PLD5: variants seen among roughly 807,000 people sequenced by gnomAD.
PLD5 encodes inactive phospholipase D5.
A neutral mutation model predicts 61.1 loss-of-function variants in PLD5; 36 were observed. That is an observed-to-expected ratio of 0.59 (90% CI 0.45 to 0.78). The LOEUF is 0.78. Among genes scored for constraint, PLD5 ranks in the 30% least tolerant of loss-of-function variants. The pLI is 0.00. For synonymous variants in PLD5, 243 were observed against 242.8 expected (o/e 1.00, Z -0.01); for missense variants, 515 against 644.4 (o/e 0.80, Z 2.17).
chr1:242,387,645 T>A (rs1302725224), intron 1 of PLD5, among the ~76,000 whole-genome samples: 1 of 55,200 alleles, frequency 1.8e-5, no homozygotes, highest in Admixed American at 1.3e-4. Flanking sequence ...TATAAAATTT[T>A]ATCTATTTTA....
intron 4 of PLD5, among the ~76,000 whole-genome samples, chr1:242,262,729 T>C (rs1673443802): frequency 6.6e-6 from 1 of 151,894 alleles, no homozygotes; most frequent in South Asian, 2.1e-4. Flanking sequence ...CTAACATGAG[T>C]GACTGAGCAC....
chr1:242,358,260 T>C (rs76615287), intron 1 of PLD5, among the ~76,000 whole-genome samples: 5,894 of 152,318 alleles, frequency 0.039, 267 homozygotes, highest in African/African-American at 0.11. Context: ...GTGTCCATTG[T>C]TGGAGTTTTG....
intron 4 of PLD5, among the ~76,000 whole-genome samples, chr1:242,225,962 C>T (rs189034014): frequency 1.6e-4 from 25 of 152,270 alleles, no homozygotes; most frequent in Admixed American, 3.9e-4. Flanking sequence ...AAACTGTTTA[C>T]CCAAAGCGTC....
intron 8 of PLD5, among the ~76,000 whole-genome samples, chr1:242,103,666 C>T (rs1355598173): frequency 1.3e-5 from 2 of 152,202 alleles, no homozygotes; most frequent in East Asian, 3.9e-4. Flanking sequence ...ATACTGGGCA[C>T]CTGACTCCAA....
intron 1 of PLD5, among the ~76,000 whole-genome samples, chr1:242,382,136 AAAAC>A (rs386370239): frequency 1.1e-4 from 17 of 151,226 alleles, no homozygotes; most frequent in Non-Finnish European, 2.2e-4. Context: ...AGCAAAAAAA[AAAAC>A]AAAACAAAAA....
At chr1:242,182,810 T>C (rs776066695) in intron 5 of PLD5, among the ~76,000 whole-genome samples, 2 of 151,984 alleles carry the variant, frequency 1.3e-5, no homozygotes, top group Non-Finnish European at 2.9e-5. Flanking sequence ...GCCACTGCAC[T>C]CCAGCCTGGG....
intron 5 of PLD5, among the ~76,000 whole-genome samples, chr1:242,212,260 G>A (rs1669875410): frequency 2.0e-5 from 3 of 152,190 alleles, no homozygotes; most frequent in Non-Finnish European, 4.4e-5. Context: ...ATGCTACAGC[G>A]AAGAGACCCT....
chr1:242,377,400 C>T (rs112993109), intron 1 of PLD5: 41,008 of 1,242,926 alleles, frequency 0.033, 1,382 homozygotes, highest in East Asian at 0.12. Flanking sequence ...TTCTAACTTC[C>T]GCTTGGGACT....
intron 5 of PLD5, among the ~76,000 whole-genome samples, chr1:242,160,202 TAGAG>T (rs1665716887): frequency 6.6e-6 from 1 of 152,050 alleles, no homozygotes; most frequent in Non-Finnish European, 1.5e-5. Flanking sequence ...ATTTTCTTTT[TAGAG>T]AGAGGGGACT....
chr1:242,460,856 G>A (rs1055756151), intron 1 of PLD5, among the ~76,000 whole-genome samples: 1 of 150,496 alleles, frequency 6.6e-6, no homozygotes, highest in Admixed American at 6.6e-5. Flanking sequence ...AAAAAAAGCA[G>A]AGGCCAGGCA....
intron 8 of PLD5, 77 bp downstream of exon 8, chr1:242,107,594 G>A (rs1033677934): frequency 7.5e-7 from 1 of 1,335,776 alleles, no homozygotes; most frequent in Non-Finnish European, 1.0e-6. Flanking sequence ...TTACACATAG[G>A]CGTATGCTTG....
chr1:242,438,791 G>T (rs1423826905), intron 1 of PLD5, among the ~76,000 whole-genome samples: 2 of 152,140 alleles, frequency 1.3e-5, no homozygotes, highest in African/African-American at 2.4e-5. Flanking sequence ...GGGAGTCAGG[G>T]TGCTGTCCTA....
At chr1:242,315,306 A>G (rs1291759435) in intron 2 of PLD5, among the ~76,000 whole-genome samples, 1 of 152,264 alleles carries the variant, frequency 6.6e-6, no homozygotes, top group Non-Finnish European at 1.5e-5. Context: ...TTGGAAATAC[A>G]TGGAGTCTAA....
the PLD5 span, among the ~76,000 whole-genome samples, chr1:242,530,377 A>G: frequency 2.6e-5 from 4 of 152,252 alleles, no homozygotes; most frequent in African/African-American, 9.6e-5. Context: ...TCAACACAGA[A>G]AATTAGAAAA....
intron 3 of PLD5, among the ~76,000 whole-genome samples, chr1:242,269,658 G>T (rs1247909323): frequency 6.6e-6 from 1 of 151,884 alleles, no homozygotes; most frequent in East Asian, 1.9e-4. Flanking sequence ...ACTATCTTTG[G>T]CTAAGCAAAG....
intron 6 of PLD5, among the ~76,000 whole-genome samples, chr1:242,121,655 G>A (rs1424490063): frequency 2.0e-5 from 3 of 151,926 alleles, no homozygotes; most frequent in Non-Finnish European, 4.4e-5. Flanking sequence ...TGTTTATTGC[G>A]GCGCTATTCA....
chr1:242,476,018 G>C (rs1572211769), intron 1 of PLD5, among the ~76,000 whole-genome samples: 1 of 152,294 alleles, frequency 6.6e-6, no homozygotes, highest in Non-Finnish European at 1.5e-5. Flanking sequence ...CCACCCAGTT[G>C]GTGGTATTTT....
intron 1 of PLD5, among the ~76,000 whole-genome samples, chr1:242,429,522 C>T (rs1433798339): frequency 1.3e-5 from 2 of 152,192 alleles, no homozygotes; most frequent in African/African-American, 4.8e-5. Flanking sequence ...GCTGGGATTA[C>T]AGGCATGAGC....
intron 2 of PLD5, among the ~76,000 whole-genome samples, chr1:242,343,813 T>G (rs1287945726): frequency 2.0e-5 from 3 of 150,582 alleles, no homozygotes; most frequent in African/African-American, 7.3e-5. Context: ...GACTTCAAGA[T>G]GCTGCAGGAA....
Sources: allele counts gnomAD v4.1 joint callset (sites outside exome capture counted in the v4.1 genomes callset), GRCh38; gene constraint gnomAD v4.1.1; transcripts MANE v1.5; gene names NCBI Gene and HGNC (gene_info 2026-07-23, HGNC 2026-07-21).